The following DGKZ variants were observed in gnomAD, a reference collection of about 807,000 sequenced individuals.
DGKZ encodes the protein diacylglycerol kinase zeta, also known as DAG kinase zeta.
Under a neutral mutation model 142.5 loss-of-function variants are expected in DGKZ, and 45 were observed. The observed-to-expected ratio is 0.32, with a 90% CI of 0.25 to 0.40. The LOEUF (loss-of-function observed/expected upper bound fraction) is 0.40, where lower values mean the gene tolerates loss of function less well. DGKZ is among the 10% of genes least tolerant of loss of function. The pLI, the probability that DGKZ is intolerant of heterozygous loss-of-function variation, is 1.00. For missense variants in DGKZ, 755 were observed against 1,306.5 expected, an observed-to-expected ratio of 0.58 and a Z score of 6.51; for synonymous variants, 442 against 527.0, an observed-to-expected ratio of 0.84 and a Z score of 2.21.
At position 46,372,543 on chromosome 11, in the gene DGKZ, G is replaced by A. The variant is rs373138583; in HGVS notation, c.1010+33G>A. 1 of 1,613,434 alleles carries A rather than the reference G, an allele frequency of 6.2e-7. No homozygotes were observed. Among genetic ancestry groups the A allele is most frequent in the South Asian group, 1.1e-5 (1 of 91,060 alleles). ...CTTGCCAAGGTTTTGTGGGGGACAT[G>A]GGGGGGAACTTGCCTCACTCCTGGG... On this transcript the variant is annotated intron_variant, in intron 11 of 30. Coordinates refer to ENST00000527911, the Ensembl canonical transcript of DGKZ. This position sits in a 1 kb window ranked among gnomAD's most constrained non-coding sequence, Gnocchi z 5.9.
intron 25 of DGKZ, 191 bp downstream of exon 25, chr11:46,377,403 T>TC: frequency 1.8e-6 from 2 of 1,115,260 alleles, no homozygotes; most frequent in Non-Finnish European, 2.4e-6. Flanking sequence ...CCACCCTGGT[T>TC]CCCTCCCTGA....
chr11:46,343,303 T>C (rs1204479182), upstream of DGKZ, among the ~76,000 whole-genome samples: 8 of 152,186 alleles, frequency 5.3e-5, no homozygotes, highest in Admixed American at 3.9e-4. Flanking sequence ...TTGCATAGCA[T>C]GCATTTATTA....
At chr11:46,356,072 G>C (rs1180802348) in intron 1 of DGKZ, among the ~76,000 whole-genome samples, 1 of 152,170 alleles carries the variant, frequency 6.6e-6, no homozygotes, top group African/African-American at 2.4e-5. Flanking sequence ...TGAGGGGTGA[G>C]GGGGAAATGC....
chr11:46,366,900 C>A (rs1943367222), intron 1 of DGKZ: 1 of 1,547,384 alleles, frequency 6.5e-7, no homozygotes, highest in African/African-American at 1.4e-5. Context: ...ATGCTGCCCA[C>A]CCGTGTGCGC....
exon 8 of DGKZ, chr11:46,371,598 C>T (rs368090541): frequency 6.2e-7 from 1 of 1,611,288 alleles, no homozygotes; most frequent in African/African-American, 1.3e-5. Flanking sequence ...CGCCCGGAGG[C>T]CCCAGGTGAG....
At chr11:46,336,132 GCTGCTTCTGA>G (rs1474787180) in intron 1 of DGKZ, among the ~76,000 whole-genome samples, 1 of 152,244 alleles carries the variant, frequency 6.6e-6, no homozygotes, top group Non-Finnish European at 1.5e-5. Flanking sequence ...TGAAGGCCTG[GCTGCTTCTGA>G]CGTAAGTGAG....
intron 9 of DGKZ, 106 bp from the exon 10 acceptor site, chr11:46,371,969 C>T (rs1035305194): frequency 9.5e-6 from 12 of 1,266,226 alleles, no homozygotes; most frequent in Admixed American, 7.9e-5. Flanking sequence ...AGAGATGGTA[C>T]GTGAGGGTAC....
intron 1 of DGKZ, among the ~76,000 whole-genome samples, chr11:46,350,287 T>G (rs947046489): frequency 6.6e-6 from 1 of 152,148 alleles, no homozygotes; most frequent in Non-Finnish European, 1.5e-5. Context: ...GGCAGACATG[T>G]GGAAGGGTGG....
intron 6 of DGKZ, 66 bp from the exon 7 acceptor site, chr11:46,371,247 C>G: frequency 6.7e-7 from 1 of 1,498,874 alleles, no homozygotes; most frequent in Non-Finnish European, 9.2e-7. Flanking sequence ...AGGCTGGCAC[C>G]AGGAGAGGGG....
intron 1 of DGKZ, among the ~76,000 whole-genome samples, chr11:46,353,538 G>A (rs928989332): frequency 2.0e-5 from 3 of 152,222 alleles, no homozygotes; most frequent in African/African-American, 7.2e-5. Context: ...CCGTCATCAT[G>A]TGGCGTCCGG....
intron 24 of DGKZ, 115 bp downstream of exon 24, chr11:46,376,679 CTG>C: frequency 7.2e-7 from 1 of 1,384,570 alleles, no homozygotes. Context: ...CCTCATGCCT[CTG>C]AGAGCTTTTA....
At chr11:46,345,088 TA>T (rs1296137811), upstream of DGKZ, among the ~76,000 whole-genome samples, 1 of 152,206 alleles carries the variant, frequency 6.6e-6, no homozygotes, top group Non-Finnish European at 1.5e-5. The surrounding 1 kb of genome is among the most constrained non-coding windows in gnomAD (Gnocchi z 4.1). Flanking sequence ...GTGGTTGTCA[TA>T]AAGCGGGAGA....
At chr11:46,344,880 T>C (rs538863649), upstream of DGKZ, among the ~76,000 whole-genome samples, 9 of 152,228 alleles carry the variant, frequency 5.9e-5, no homozygotes, top group Non-Finnish European at 1.3e-4. Flanking sequence ...GAGAGGTTTA[T>C]GACCTGATCC....
In DGKZ at chr11:46,367,370, C is replaced by T. The variant is rs375162900; in HGVS notation, c.241C>T (p.Arg81Trp). Reference sequence around the variant, plus strand: ...TGGGGCCCCGTGCAGCGAGTCAGAGCGGCAGATCCGGAGTACAGTGGACTG... The same window carrying T: ...TGGGGCCCCGTGCAGCGAGTCAGAGTGGCAGATCCGGAGTACAGTGGACTG... The change falls in exon 2 of 31, where the codon CGG (arginine) becomes TGG (tryptophan). Residue 81 changes from arginine (R) to tryptophan (W), a missense_variant. Transcript: ENST00000527911. This position sits in a 1 kb window ranked among gnomAD's most constrained non-coding sequence, Gnocchi z 4.1. The T allele has an allele frequency of 2.1e-5, 34 of 1,613,038 alleles. No individual in the cohort carries two copies. Among genetic ancestry groups the T allele is most frequent in the Non-Finnish European group, 2.7e-5 (32 of 1,179,998 alleles).
chr11:46,345,403 G>C, upstream of DGKZ: 1 of 1,423,462 alleles, frequency 7.0e-7, no homozygotes, highest in Non-Finnish European at 9.2e-7. The surrounding 1 kb of genome is among the most constrained non-coding windows in gnomAD (Gnocchi z 4.1). Context: ...GAGAGTCGCC[G>C]GGCAGGATGA....
rs1319350623 is a variant in DGKZ at position 46,372,915 on chromosome 11, G to C, written c.1185+31G>C. 6.4e-7 allele frequency: 1 copy of C among 1,558,138 alleles called. No homozygotes were observed. Among genetic ancestry groups the C allele is most frequent in the Non-Finnish European group, 8.7e-7 (1 of 1,150,958 alleles). ...CACCCATAGGAGGGGGGTGCAGCTG[G>C]GGCCTCTCCAGCCACAGAGGGCTCA... is the stretch of plus-strand genomic sequence containing the variant. On this transcript the variant is annotated intron_variant, in intron 13 of 30. Transcript: ENST00000527911. This position sits in a 1 kb window ranked among gnomAD's most constrained non-coding sequence, Gnocchi z 5.9.
intron 1 of DGKZ, chr11:46,333,495 G>A: frequency 2.6e-6 from 4 of 1,543,132 alleles, no homozygotes; most frequent in Admixed American, 2.0e-5. Context: ...CAGGTAAGGA[G>A]GACGTGGGCA....
rs753585776 is a variant in DGKZ, at chr11:46,374,464, G to T, written c.1461+10G>T. The T allele has an allele frequency of 3.0e-5, 48 of 1,613,914 alleles. No individual in the cohort carries two copies. Among genetic ancestry groups the T allele is most frequent in the Non-Finnish European group, 3.9e-5 (46 of 1,180,024 alleles). ...GATGTTCTACGCCGGGGTGAGTGGG[G>T]TCTGCACCCCCGCCTGTGCCCACCT... On this transcript the variant is annotated intron_variant, in intron 16 of 30. Transcript: ENST00000527911.
At chr11:46,376,614 G>C in intron 24 of DGKZ, 50 bp downstream of exon 24, 1 of 1,610,456 alleles carries the variant, frequency 6.2e-7, no homozygotes, top group Non-Finnish European at 8.5e-7. Context: ...GGGCCCCAGG[G>C]TCGCCTCTCC....
Sources: allele counts gnomAD v4.1 joint callset (sites outside exome capture counted in the v4.1 genomes callset), GRCh38; gene constraint gnomAD v4.1.1; non-coding constraint Gnocchi (gnomAD v3.1); transcripts MANE v1.5; gene names NCBI Gene and HGNC (gene_info 2026-07-23, HGNC 2026-07-21).